ARK2N: variants seen among roughly 807,000 people sequenced by gnomAD.
ARK2N encodes arkadia (RNF111) N-terminal like PKA signaling regulator 2N.
At chr18:46,230,280 T>A in the ARK2N span, among the ~76,000 whole-genome samples, 2 of 152,180 alleles carry the variant, frequency 1.3e-5, no homozygotes, top group Non-Finnish European at 2.9e-5. Context: ...GTTATTGCAT[T>A]CTCTTTCCCT....
chr18:46,211,405 G>A, the ARK2N span, among the ~76,000 whole-genome samples: 2 of 152,030 alleles, frequency 1.3e-5, no homozygotes, highest in African/African-American at 4.8e-5. Flanking sequence ...ATGGGGTCTT[G>A]CCATGTTGCC....
At chr18:46,229,827 C>T in the ARK2N span, among the ~76,000 whole-genome samples, 1 of 152,102 alleles carries the variant, frequency 6.6e-6, no homozygotes, top group South Asian at 2.1e-4. Flanking sequence ...TGGTCTTAAA[C>T]TCCTAAGCTC....
At chr18:46,260,366 C>G in the ARK2N span, among the ~76,000 whole-genome samples, 6 of 152,030 alleles carry the variant, frequency 3.9e-5, no homozygotes, top group African/African-American at 1.4e-4. Context: ...AGCTTTTGAC[C>G]GAAGATAGTA....
the ARK2N span, among the ~76,000 whole-genome samples, chr18:46,193,591 GTTTTTTTT>G: frequency 3.0e-4 from 28 of 92,388 alleles, no homozygotes; most frequent in African/African-American, 1.1e-3. Context: ...GCCCAGCCGG[GTTTTTTTT>G]TTTTTTTTTT....
chr18:46,258,078 C>T, the ARK2N span, among the ~76,000 whole-genome samples: 1 of 152,072 alleles, frequency 6.6e-6, no homozygotes, highest in South Asian at 2.1e-4. Context: ...AGGTGCACGC[C>T]GCCATGCCTG....
the ARK2N span, among the ~76,000 whole-genome samples, chr18:46,255,828 C>G: frequency 2.6e-5 from 4 of 151,642 alleles, no homozygotes; most frequent in Admixed American, 2.0e-4. Context: ...TTCCTTTACT[C>G]TCTGTTTTCT....
At chr18:46,197,004 T>C in the ARK2N span, among the ~76,000 whole-genome samples, 1 of 152,186 alleles carries the variant, frequency 6.6e-6, no homozygotes, top group Admixed American at 6.5e-5. Context: ...CTGTCTTCTT[T>C]ATAACCTCAT....
At chr18:46,177,317 A>T in the ARK2N span, among the ~76,000 whole-genome samples, 2 of 151,926 alleles carry the variant, frequency 1.3e-5, no homozygotes, top group Admixed American at 1.3e-4. Context: ...GCATTTTGGG[A>T]GGCTGAGACG....
chr18:46,223,334 G>A, the ARK2N span, among the ~76,000 whole-genome samples: 51 of 152,310 alleles, frequency 3.3e-4, 1 homozygote, highest in East Asian at 9.8e-3. Context: ...AAACAGCATA[G>A]GGGATGGAGT....
the ARK2N span, among the ~76,000 whole-genome samples, chr18:46,190,127 A>G: frequency 2.0e-5 from 3 of 152,198 alleles, no homozygotes; most frequent in Non-Finnish European, 4.4e-5. Context: ...GCAATAATTA[A>G]TGAAAATAAT....
At chr18:46,221,466 A>T in the ARK2N span, among the ~76,000 whole-genome samples, 1 of 150,002 alleles carries the variant, frequency 6.7e-6, no homozygotes, top group Admixed American at 6.7e-5. Context: ...AGGCTGAGGC[A>T]GGAGAATCAC....
the ARK2N span, chr18:46,262,990 A>G: frequency 1.2e-6 from 2 of 1,614,178 alleles, no homozygotes; most frequent in Non-Finnish European, 1.7e-6. Flanking sequence ...TGGCTCGGGC[A>G]CGCAGTATGT....
the ARK2N span, among the ~76,000 whole-genome samples, chr18:46,226,819 T>TG: frequency 1.3e-5 from 2 of 151,608 alleles, no homozygotes; most frequent in African/African-American, 4.8e-5. Flanking sequence ...TTTTTTTTTT[T>TG]TTTTTGAGAT....
the ARK2N span, among the ~76,000 whole-genome samples, chr18:46,191,837 C>T: frequency 6.6e-6 from 1 of 152,214 alleles, no homozygotes; most frequent in Non-Finnish European, 1.5e-5. Context: ...TCCCTTCCCC[C>T]ACCCTCTGGC....
the ARK2N span, among the ~76,000 whole-genome samples, chr18:46,198,810 G>T: frequency 6.6e-6 from 1 of 152,140 alleles, no homozygotes; most frequent in Non-Finnish European, 1.5e-5. Context: ...TGTTGGCCAG[G>T]TTGGTCTCGA....
the ARK2N span, among the ~76,000 whole-genome samples, chr18:46,190,979 C>G: frequency 6.6e-6 from 1 of 152,130 alleles, no homozygotes; most frequent in African/African-American, 2.4e-5. Flanking sequence ...TTAACTGTGA[C>G]AAATCCAGTG....
the ARK2N span, among the ~76,000 whole-genome samples, chr18:46,175,086 C>T: frequency 6.6e-6 from 1 of 152,088 alleles, no homozygotes; most frequent in Non-Finnish European, 1.5e-5. Flanking sequence ...TTACGCAAGC[C>T]ATTCATTCTC....
At chr18:46,198,044 A>G in the ARK2N span, among the ~76,000 whole-genome samples, 5 of 152,016 alleles carry the variant, frequency 3.3e-5, no homozygotes, top group African/African-American at 7.2e-5. Context: ...GCTCACGCCT[A>G]TAATCCCAGC....
the ARK2N span, among the ~76,000 whole-genome samples, chr18:46,188,250 G>T: frequency 2.6e-5 from 4 of 152,104 alleles, no homozygotes; most frequent in South Asian, 8.3e-4. Flanking sequence ...GCCCAGGCTG[G>T]AGTGCAATGG....
Sources: allele counts gnomAD v4.1 joint callset (sites outside exome capture counted in the v4.1 genomes callset), GRCh38; gene constraint gnomAD v4.1.1; transcripts MANE v1.5; gene names NCBI Gene and HGNC (gene_info 2026-07-23, HGNC 2026-07-21).